SSBP3: variants seen among roughly 807,000 people sequenced by gnomAD.
The protein encoded by SSBP3 is single-stranded DNA-binding protein 3.
Under a neutral mutation model 69.6 loss-of-function variants are expected in SSBP3, and 5 were observed. That is an observed-to-expected ratio of 0.07 (90% CI 0.04 to 0.15). SSBP3 has a LOEUF of 0.15. Ranked by LOEUF, SSBP3 falls within the 10% of genes least tolerant of loss-of-function variation. The probability of loss-of-function intolerance (pLI) is 1.00; values close to 1 mark genes in which losing one functional copy is unlikely to be tolerated. For missense variants in SSBP3, 312 were observed against 534.0 expected, an observed-to-expected ratio of 0.58 and a Z score of 4.10; for synonymous variants, 196 against 193.4, an observed-to-expected ratio of 1.01 and a Z score of -0.11.
intron 4 of SSBP3, among the ~76,000 whole-genome samples, chr1:54,391,148 G>A (rs2100766477): frequency 6.6e-6 from 1 of 152,332 alleles, no homozygotes; most frequent in South Asian, 2.1e-4. Context: ...GTCCCCATCT[G>A]GAAACTGAGT....
rs1557504890 is a variant in SSBP3, at chr1:54,294,165, AAGAAAGAAAG to A, written c.277-12648_277-12639del. 2.4e-3 allele frequency among the ~76,000 whole-genome samples: 181 copies of A among 74,660 alleles called. 1 individual carries two copies. The highest frequency in any genetic ancestry group is 7.5e-3 in the African/African-American group (155 of 20,708). The allele number at this position is 74,660 out of a possible 152,430, so 49.0% of individuals were successfully genotyped here. On this transcript the variant is annotated intron_variant, in intron 4 of 17. Transcript: ENST00000610401. ...CTCAAAAAAAAAAAAAAAAAAAAGA[AAGAAAGAAAG>A]AAAGAAAGAAAGAAAGAAAAGAAAA...
At chr1:54,239,436 G>A (rs1644564758) in intron 13 of SSBP3, among the ~76,000 whole-genome samples, 1 of 152,190 alleles carries the variant, frequency 6.6e-6, no homozygotes, top group Non-Finnish European at 1.5e-5. Flanking sequence ...GGGATTACGG[G>A]TTCAAATTCT....
At chr1:54,248,556 G>C (rs746575130) in intron 9 of SSBP3, among the ~76,000 whole-genome samples, 1 of 152,146 alleles carries the variant, frequency 6.6e-6, no homozygotes, top group Non-Finnish European at 1.5e-5. Flanking sequence ...ATCCTCAGGG[G>C]AGAGACAGAA....
intron 9 of SSBP3, among the ~76,000 whole-genome samples, chr1:54,251,025 T>A (rs897876348): frequency 2.0e-5 from 3 of 152,154 alleles, no homozygotes; most frequent in Non-Finnish European, 2.9e-5. Flanking sequence ...GGTCAAAGAA[T>A]CCCGGCTGAA....
intron 4 of SSBP3, among the ~76,000 whole-genome samples, chr1:54,284,428 T>C (rs1645450875): frequency 6.6e-6 from 1 of 150,626 alleles, no homozygotes. Flanking sequence ...ATTTTTTATA[T>C]ATTGAGGATC....
chr1:54,314,614 T>A (rs191675713), intron 4 of SSBP3, among the ~76,000 whole-genome samples: 79 of 152,348 alleles, frequency 5.2e-4, no homozygotes, highest in African/African-American at 1.9e-3. Context: ...ACCTTGAACA[T>A]GCTTCCCTAG....
At chr1:54,387,633 C>T (rs1008810194) in intron 4 of SSBP3, among the ~76,000 whole-genome samples, 1 of 152,214 alleles carries the variant, frequency 6.6e-6, no homozygotes, top group African/African-American at 2.4e-5. Flanking sequence ...CAGCATGATA[C>T]AATCAGGTTG....
At chr1:54,387,360 C>A (rs1347285923) in intron 4 of SSBP3, among the ~76,000 whole-genome samples, 1 of 152,192 alleles carries the variant, frequency 6.6e-6, no homozygotes, top group African/African-American at 2.4e-5. Flanking sequence ...CCAAGCCATG[C>A]CTCTTCAAGA....
intron 4 of SSBP3, among the ~76,000 whole-genome samples, chr1:54,349,404 G>C (rs1646744802): frequency 6.6e-6 from 1 of 152,208 alleles, no homozygotes; most frequent in Non-Finnish European, 1.5e-5. Context: ...ATGCCCTTAA[G>C]GTTAGATGCA....
At chr1:54,408,947 G>A (rs993069714), upstream of SSBP3, among the ~76,000 whole-genome samples, 2 of 152,158 alleles carry the variant, frequency 1.3e-5, no homozygotes, top group East Asian at 1.9e-4. Context: ...GAGAGAGCAG[G>A]GAGAGTGTCT....
intron 4 of SSBP3, among the ~76,000 whole-genome samples, chr1:54,376,210 T>C (rs1037861263): frequency 6.6e-6 from 1 of 150,460 alleles, no homozygotes; most frequent in African/African-American, 2.4e-5. Flanking sequence ...GTGTGTGTGT[T>C]TGTCTCACAC....
intron 7 of SSBP3, among the ~76,000 whole-genome samples, chr1:54,255,106 T>C (rs944056569): frequency 1.1e-4 from 13 of 120,768 alleles, no homozygotes; most frequent in African/African-American, 3.8e-4. Flanking sequence ...GCTAGCATTA[T>C]AAGCGTGAGT....
At chr1:54,370,255 T>C (rs1237362356) in intron 4 of SSBP3, among the ~76,000 whole-genome samples, 1 of 152,158 alleles carries the variant, frequency 6.6e-6, no homozygotes, top group Non-Finnish European at 1.5e-5. Context: ...CTTTCACTTA[T>C]CTGGAAATCC....
At chr1:54,256,299 G>A (rs917359608) in intron 7 of SSBP3, among the ~76,000 whole-genome samples, 13 of 152,148 alleles carry the variant, frequency 8.5e-5, no homozygotes, top group African/African-American at 3.1e-4. Context: ...CAAAGTCACC[G>A]AAATAATTCT....
At chr1:54,228,090 G>A (rs1040803748) in intron 17 of SSBP3, among the ~76,000 whole-genome samples, 165 bp downstream of exon 17, 5 of 152,188 alleles carry the variant, frequency 3.3e-5, no homozygotes, top group African/African-American at 7.2e-5. Flanking sequence ...TCAGGGCAGC[G>A]TCAAGGCTGC....
intron 4 of SSBP3, among the ~76,000 whole-genome samples, chr1:54,346,985 T>A (rs1012824030): frequency 1.7e-4 from 26 of 152,102 alleles, no homozygotes; most frequent in Non-Finnish European, 3.2e-4. Flanking sequence ...CATTTTAAAA[T>A]TTTTTTCAGA....
At chr1:54,282,481 T>G (rs928483295) in intron 4 of SSBP3, among the ~76,000 whole-genome samples, 2 of 152,258 alleles carry the variant, frequency 1.3e-5, no homozygotes, top group Non-Finnish European at 1.5e-5. Context: ...CTTTAAACAC[T>G]GCTGTTCTGG....
At chr1:54,347,127 A>T (rs1307972152) in intron 4 of SSBP3, among the ~76,000 whole-genome samples, 1 of 151,896 alleles carries the variant, frequency 6.6e-6, no homozygotes, top group Non-Finnish European at 1.5e-5. Flanking sequence ...ACACCCAGCT[A>T]ATTTATTTAT....
upstream of SSBP3, among the ~76,000 whole-genome samples, chr1:54,409,041 G>T (rs913736135): frequency 2.0e-5 from 3 of 152,206 alleles, no homozygotes; most frequent in African/African-American, 7.2e-5. Context: ...AAGTAGGTGT[G>T]TGGCTGCTGG....
Sources: allele counts gnomAD v4.1 joint callset (sites outside exome capture counted in the v4.1 genomes callset), GRCh38; gene constraint gnomAD v4.1.1; transcripts MANE v1.5; gene names NCBI Gene and HGNC (gene_info 2026-07-23, HGNC 2026-07-21).